Variants in GRM7 observed in about 807,000 individuals in gnomAD.
The protein encoded by GRM7 is metabotropic glutamate receptor 7.
In GRM7, 35 loss-of-function variants were observed where a neutral mutation model predicts 84.5. That is an observed-to-expected ratio of 0.41 (90% CI 0.32 to 0.55). The LOEUF is 0.55. Among genes scored for constraint, GRM7 ranks in the 20% least tolerant of loss-of-function variants. The pLI is 0.19. For missense variants in GRM7, 1,003 were observed against 1,194.6 expected (o/e 0.84, Z 2.36); for synonymous variants, 487 against 455.1 (o/e 1.07, Z -0.89).
chr3:7,349,216 G>T (rs1693025460), intron 4 of GRM7, among the ~76,000 whole-genome samples: 2 of 152,086 alleles, frequency 1.3e-5, no homozygotes, highest in Admixed American at 6.6e-5. Flanking sequence ...CCTCGTTGTA[G>T]TTTGATTTTC....
chr3:6,896,188 G>T (rs573743015), intron 1 of GRM7, among the ~76,000 whole-genome samples: 1 of 152,226 alleles, frequency 6.6e-6, no homozygotes, highest in African/African-American at 2.4e-5. Context: ...GTTGCAATGA[G>T]ATTCTGCTTT....
intron 8 of GRM7, among the ~76,000 whole-genome samples, chr3:7,672,984 G>T (rs2125133898): frequency 6.6e-6 from 1 of 152,230 alleles, no homozygotes; most frequent in African/African-American, 2.4e-5. Context: ...TTCATAAGAA[G>T]AAAATCATTT....
At chr3:7,197,433 C>T (rs1190516849) in intron 2 of GRM7, among the ~76,000 whole-genome samples, 2 of 152,148 alleles carry the variant, frequency 1.3e-5, no homozygotes, top group African/African-American at 2.4e-5. Context: ...CTTTATCCTT[C>T]TCTGCTGCCT....
At chr3:6,988,871 A>C (rs1694525680) in intron 1 of GRM7, among the ~76,000 whole-genome samples, 1 of 152,244 alleles carries the variant, frequency 6.6e-6, no homozygotes, top group Admixed American at 6.5e-5. Context: ...TGTAGGCCAC[A>C]TAAGTAAATA....
At chr3:7,027,786 G>A (rs191109096) in intron 1 of GRM7, among the ~76,000 whole-genome samples, 1 of 152,106 alleles carries the variant, frequency 6.6e-6, no homozygotes, top group Admixed American at 6.5e-5. Flanking sequence ...TTCAACCATC[G>A]TTCTTTTTCT....
chr3:7,099,416 A>G (rs913808078), intron 1 of GRM7, among the ~76,000 whole-genome samples: 19 of 148,820 alleles, frequency 1.3e-4, no homozygotes, highest in Non-Finnish European at 2.1e-4. Context: ...AATACATATT[A>G]TGCATGTATA....
chr3:7,136,548 G>C (rs994935994), intron 1 of GRM7, among the ~76,000 whole-genome samples: 4 of 146,620 alleles, frequency 2.7e-5, no homozygotes, highest in Non-Finnish European at 4.4e-5. Context: ...AAAGTATGCC[G>C]AGGAAAAGAA....
chr3:7,338,397 C>T (rs1025712352), intron 4 of GRM7, among the ~76,000 whole-genome samples: 1 of 151,940 alleles, frequency 6.6e-6, no homozygotes, highest in Non-Finnish European at 1.5e-5. Context: ...GTGCAGTGTA[C>T]ACTGTAGGGG....
intron 7 of GRM7, among the ~76,000 whole-genome samples, chr3:7,542,968 A>G (rs573508918): frequency 6.6e-6 from 1 of 152,218 alleles, no homozygotes; most frequent in South Asian, 2.1e-4. Context: ...CATAAACTCT[A>G]TGAAGGGCTG....
At chr3:7,032,097 A>G (rs1358850274) in intron 1 of GRM7, among the ~76,000 whole-genome samples, 1 of 152,228 alleles carries the variant, frequency 6.6e-6, no homozygotes, top group Non-Finnish European at 1.5e-5. Flanking sequence ...GACATCTCAC[A>G]TAGATGTCAG....
chr3:6,985,100 A>G (rs528122943), intron 1 of GRM7, among the ~76,000 whole-genome samples: 1 of 152,106 alleles, frequency 6.6e-6, no homozygotes, highest in Non-Finnish European at 1.5e-5. Flanking sequence ...GTAGGTACAT[A>G]GTAGACATAT....
At chr3:7,598,519 T>C (rs184854280) in intron 8 of GRM7, among the ~76,000 whole-genome samples, 1 of 152,338 alleles carries the variant, frequency 6.6e-6, no homozygotes, top group African/African-American at 2.4e-5. Flanking sequence ...AAAGAAACTT[T>C]CTTTAAAATA....
intron 9 of GRM7, among the ~76,000 whole-genome samples, chr3:7,702,689 A>G (rs1701268280): frequency 6.6e-6 from 1 of 152,218 alleles, no homozygotes; most frequent in Admixed American, 6.5e-5. Flanking sequence ...ATAATAAAAT[A>G]TTCAAACTCC....
chr3:7,442,180 T>A (rs1374875759), intron 5 of GRM7, among the ~76,000 whole-genome samples: 1 of 152,068 alleles, frequency 6.6e-6, no homozygotes, highest in African/African-American at 2.4e-5. Flanking sequence ...TGTAGTTGTT[T>A]TAGATATCTT....
At chr3:7,347,724 C>A (rs1312502449) in intron 4 of GRM7, among the ~76,000 whole-genome samples, 1 of 152,082 alleles carries the variant, frequency 6.6e-6, no homozygotes, top group African/African-American at 2.4e-5. Context: ...CTTCATTATT[C>A]TTTCCATGTT....
intron 7 of GRM7, 108 bp downstream of exon 7, chr3:7,461,830 G>C: frequency 1.0e-6 from 1 of 979,834 alleles, no homozygotes; most frequent in Non-Finnish European, 1.6e-6. Context: ...GCATATACAA[G>C]TGAGCATGCA....
intron 5 of GRM7, among the ~76,000 whole-genome samples, chr3:7,433,491 T>G (rs528213279): frequency 6.6e-6 from 1 of 152,310 alleles, no homozygotes; most frequent in African/African-American, 2.4e-5. Flanking sequence ...GTCATTTTTG[T>G]TAGGCCAGGT....
chr3:6,908,353 T>C (rs1696652072), intron 1 of GRM7, among the ~76,000 whole-genome samples: 1 of 152,238 alleles, frequency 6.6e-6, no homozygotes, highest in Non-Finnish European at 1.5e-5. Flanking sequence ...GATGATGTCT[T>C]CTTTTCTTTT....
At chr3:7,026,751 G>T (rs1695996308) in intron 1 of GRM7, among the ~76,000 whole-genome samples, 1 of 152,156 alleles carries the variant, frequency 6.6e-6, no homozygotes, top group Admixed American at 6.5e-5. Context: ...AATACCTAAT[G>T]TAATGACTCA....
Sources: allele counts gnomAD v4.1 joint callset (sites outside exome capture counted in the v4.1 genomes callset), GRCh38; gene constraint gnomAD v4.1.1; transcripts MANE v1.5; gene names NCBI Gene and HGNC (gene_info 2026-07-23, HGNC 2026-07-21).